The following NIN variants were observed in gnomAD, a reference collection of about 807,000 sequenced individuals.
NIN encodes glycogen synthase kinase 3 beta-interacting protein.
NIN carries 137 observed loss-of-function variants against 257.6 expected under a neutral mutation model. The ratio of observed to expected loss-of-function variants is 0.53; its 90% CI spans 0.46 to 0.61. The LOEUF (loss-of-function observed/expected upper bound fraction) is 0.61. Ranked by LOEUF, NIN falls within the 20% of genes least tolerant of loss-of-function variation. NIN has a pLI of 0.00. For synonymous variants in NIN, 918 were observed against 919.8 expected, an observed-to-expected ratio of 1.00 and a Z score of 0.04; for missense variants, 2,439 against 2,501.2, an observed-to-expected ratio of 0.98 and a Z score of 0.53.
At chr14:50,751,396 A>G (rs561876086) in intron 21 of NIN, among the ~76,000 whole-genome samples, 1 of 152,358 alleles carries the variant, frequency 6.6e-6, no homozygotes, top group South Asian at 2.1e-4. Flanking sequence ...CCAGCAAAGC[A>G]TGAAAGAGTC....
At chr14:50,725,786 G>T in intron 30 of NIN, 167 bp downstream of exon 30, 1 of 1,194,964 alleles carries the variant, frequency 8.4e-7, no homozygotes, top group Non-Finnish European at 1.2e-6. Context: ...CGTATTTTTT[G>T]GGGTGATATG....
chr14:50,763,697 A>C, intron 15 of NIN, 129 bp downstream of exon 15: 1 of 750,234 alleles, frequency 1.3e-6, no homozygotes, highest in Non-Finnish European at 2.1e-6. Context: ...GCTCAAGAAA[A>C]GAGTATGGCC....
Position 50,776,936 on chromosome 14 carries a change from C to T in NIN, c.666+13G>A, listed in dbSNP as rs1328568319. On this transcript the variant is annotated intron_variant, in intron 7 of 30. Transcript: ENST00000530997. ...CCATCATTATCATTCCTGAATTATA[C>T]TGCGAGGCTTACCTCTCCATCCACA... is the stretch of plus-strand genomic sequence containing the variant. The T allele has an allele frequency of 3.1e-6, 5 of 1,605,352 alleles. No homozygotes were observed. Among genetic ancestry groups the T allele is most frequent in the African/African-American group, 1.3e-5 (1 of 74,756 alleles).
At position 50,766,784 on chromosome 14, in the gene NIN, T is replaced by A; in HGVS notation, c.1541A>T (p.Glu514Val). The change falls in exon 13 of 31, where the codon GAA becomes GTA. Residue 514 changes from glutamate to valine, a missense_variant. Coordinates refer to ENST00000530997, the MANE Select transcript of NIN (RefSeq NM_020921.4). ...ATGAGATTTGAACAGGTTTACCTTT[T>A]CTGCTAACACATTTTCCAAATTTCT... ...LQRNLENVLAEKFGDLDPSSA... is the reference protein window; with the variant it reads ...LQRNLENVLAVKFGDLDPSSA... 6.2e-7 allele frequency: 1 copy of A among 1,606,218 alleles called. No homozygotes were observed. The highest frequency in any genetic ancestry group is 2.2e-5 in the East Asian group (1 of 44,836).
Position 50,721,281 on chromosome 14 carries a change from T to G in NIN, c.*2182A>C, listed in dbSNP as rs1030284001. 1.1e-4 allele frequency: 22 copies of G among 204,866 alleles called. No homozygotes were observed. Among genetic ancestry groups the G allele is most frequent in the African/African-American group, 4.3e-4 (19 of 43,854 alleles). 12.7% of individuals were successfully genotyped at this position (204,866 alleles called of 1,614,324 possible). A position where few individuals can be genotyped will look rare whatever the true frequency, so the allele number is the denominator to read the frequency against. On this transcript the variant is annotated 3_prime_UTR_variant, in exon 31 of 31. Coordinates refer to ENST00000530997, the MANE Select transcript of NIN (RefSeq NM_020921.4). ...GAGATTCTAAATGTAGTCTAAACTTTCCAGAAAGTCATATTTACATTCATT... is the reference window on the plus strand; with the variant it reads ...GAGATTCTAAATGTAGTCTAAACTTGCCAGAAAGTCATATTTACATTCATT...
chr14:50,810,729 C>T (rs988482039), intron 3 of NIN, among the ~76,000 whole-genome samples: 2 of 151,292 alleles, frequency 1.3e-5, no homozygotes, highest in Middle Eastern at 6.8e-3. Flanking sequence ...TGGCGTGTCT[C>T]GGCTCACCGC....
At chr14:50,763,184 G>T (rs1476023880) in intron 15 of NIN, among the ~76,000 whole-genome samples, 1 of 151,968 alleles carries the variant, frequency 6.6e-6, no homozygotes, top group Non-Finnish European at 1.5e-5. Flanking sequence ...AACTGATTAT[G>T]AGCTGTCTCT....
intron 3 of NIN, among the ~76,000 whole-genome samples, chr14:50,821,141 A>G (rs1299426675): frequency 6.6e-6 from 1 of 152,242 alleles, no homozygotes; most frequent in Non-Finnish European, 1.5e-5. Flanking sequence ...AATAGCTATT[A>G]ATTATAAATA....
intron 30 of NIN, among the ~76,000 whole-genome samples, chr14:50,724,456 A>C (rs2040338765): frequency 6.6e-6 from 1 of 152,186 alleles, no homozygotes; most frequent in African/African-American, 2.4e-5. Context: ...AGCACTCTCA[A>C]GCTCAGAACC....
intron 4 of NIN, among the ~76,000 whole-genome samples, chr14:50,801,605 A>C (rs1001799985): frequency 2.9e-4 from 44 of 152,308 alleles, no homozygotes; most frequent in African/African-American, 9.9e-4. Flanking sequence ...ATAGTTATAA[A>C]CACAAATCTT....
At chr14:50,793,306 CT>C (rs1261538011) in intron 4 of NIN, among the ~76,000 whole-genome samples, 2 of 152,076 alleles carry the variant, frequency 1.3e-5, no homozygotes, top group East Asian at 3.9e-4. Context: ...GCACTGTATA[CT>C]CAGTATCCAC....
At chr14:50,740,124 T>TG (rs1340270917) in intron 25 of NIN, among the ~76,000 whole-genome samples, 2 of 143,408 alleles carry the variant, frequency 1.4e-5, no homozygotes, top group Non-Finnish European at 3.1e-5. Flanking sequence ...AAACCAAACA[T>TG]GAAAAAAAAA....
Position 50,810,568 on chromosome 14 carries a change from TGGA to T in NIN, c.184-3753_184-3751del, listed in dbSNP as rs571072626. The stretch of plus-strand genomic sequence containing the variant: ...AGAAGCAATTATTGACATATTGAGA[TGGA>T]GGAAAGATATTAACCATCCTCCTTC... On this transcript the variant is annotated intron_variant, in intron 3 of 30. Transcript: ENST00000530997. 1.8e-4 allele frequency among the ~76,000 whole-genome samples: 27 copies of T among 152,314 alleles called. No homozygotes were observed. In the East Asian group the frequency reaches 4.0e-3, roughly 23 times the overall value.
chr14:50,764,385 T>C (rs953038880), intron 14 of NIN, among the ~76,000 whole-genome samples: 2 of 152,146 alleles, frequency 1.3e-5, no homozygotes, highest in African/African-American at 2.4e-5. Flanking sequence ...AGTGGAGCAA[T>C]TGGAACTATC....
chr14:50,759,871 C>T lies in NIN; in HGVS notation c.2385G>A (p.Glu795=). The T allele has an allele frequency of 6.2e-7, 1 of 1,608,964 alleles. No individual in the cohort carries two copies. Among genetic ancestry groups the T allele is most frequent in the Non-Finnish European group, 8.5e-7 (1 of 1,178,262 alleles). Residue 795 remains glutamate, a synonymous_variant, in exon 17 of 31, where the codon GAG becomes GAA. Coordinates refer to ENST00000530997, the MANE Select transcript of NIN (RefSeq NM_020921.4). The part of the protein sequence containing the change: ...RKELLEKHQR[E]LQEGREKMET... ...CACTTTCTTACCTTCCCTCCTGAAG[C>T]TCCCTTTGGTGCTTTTCCAAGAGCT...
intron 12 of NIN, among the ~76,000 whole-genome samples, chr14:50,768,059 A>G (rs1158150977): frequency 2.9e-5 from 1 of 34,674 alleles, no homozygotes; most frequent in Non-Finnish European, 7.5e-5. Flanking sequence ...GCCAACACAC[A>G]CACACACACA....
At chr14:50,822,581 C>T (rs1188502238) in intron 2 of NIN, among the ~76,000 whole-genome samples, 5 of 152,212 alleles carry the variant, frequency 3.3e-5, no homozygotes, top group African/African-American at 1.2e-4. Flanking sequence ...ATGGTGCAAT[C>T]GGTCAGCGTG....
chr14:50,801,031 A>G (rs1207210952), intron 4 of NIN, among the ~76,000 whole-genome samples: 1 of 145,148 alleles, frequency 6.9e-6, no homozygotes. Flanking sequence ...ATCCGGAGTG[A>G]TCCCACCTCA....
chr14:50,760,653 C>T (rs1033860999), intron 16 of NIN, among the ~76,000 whole-genome samples: 1 of 151,996 alleles, frequency 6.6e-6, no homozygotes, highest in African/African-American at 2.4e-5. Context: ...GCATCCTTTC[C>T]AACTGTAAAC....
Sources: gnomAD v4.1 joint callset for allele counts (sites outside exome capture counted in the v4.1 genomes callset) on GRCh38, gnomAD v4.1.1 for gene constraint, MANE v1.5 for transcripts, NCBI Gene and HGNC (gene_info 2026-07-23, HGNC 2026-07-21) for gene names.